The following MAP3K7CL variants were observed in gnomAD, a reference collection of about 807,000 sequenced individuals.
MAP3K7CL encodes MAP3K7 C-terminal-like protein.
A neutral mutation model predicts 18.6 loss-of-function variants in MAP3K7CL; 16 were observed. The observed-to-expected ratio is 0.86, with a 90% confidence interval of 0.58 to 1.31. MAP3K7CL has a LOEUF of 1.31. Among genes scored for constraint, MAP3K7CL ranks in the 50% most tolerant of loss-of-function variants. MAP3K7CL has a pLI of 0.00. For missense variants in MAP3K7CL, 163 were observed against 174.4 expected, an observed-to-expected ratio of 0.93 and a Z score of 0.37; for synonymous variants, 65 against 66.8, an observed-to-expected ratio of 0.97 and a Z score of 0.13.
chr21:29,113,208 C>G (rs1329339647), intron 4 of MAP3K7CL, among the ~76,000 whole-genome samples: 1 of 152,174 alleles, frequency 6.6e-6, no homozygotes, highest in African/African-American at 2.4e-5. Context: ...ACCATTTTCT[C>G]TCAAAATTCT....
Position 29,134,255 on chromosome 21 carries a change from C to T in MAP3K7CL, c.70+841C>T, listed in dbSNP as rs1002704812. ...ATGATTGGCCGAGCATGGTGGCTCA[C>T]GACTGTAATCCCAGTACTTTGGGAG... On this transcript the variant is annotated intron_variant, in intron 2 of 4. Coordinates refer to ENST00000399928, the MANE Select transcript of MAP3K7CL (RefSeq NM_001286620.2). 3.3e-5 allele frequency among the ~76,000 whole-genome samples: 5 copies of T among 152,176 alleles called. No individual in the cohort carries two copies. In the South Asian group the frequency reaches 1.0e-3, roughly 32 times the overall value.
At chr21:29,122,345 T>A (rs2086609089) in intron 4 of MAP3K7CL, 1 of 152,154 alleles carries the variant, frequency 6.6e-6, no homozygotes, top group African/African-American at 2.4e-5. Context: ...TACACTGCAG[T>A]TTTTTAGCTT....
At position 29,088,523 on chromosome 21, in the gene MAP3K7CL, A is replaced by G. The variant is rs16983706; in HGVS notation, c.57+2606A>G. Among the ~76,000 whole-genome samples, 1,123 of 152,308 alleles carry G rather than the reference A, an allele frequency of 7.4e-3. 41 individuals are homozygous for G. The highest frequency in any genetic ancestry group is 0.052 in the Admixed American group (793 of 15,304). On this transcript the variant is annotated intron_variant, in intron 1 of 6. Coordinates refer to the MAP3K7CL transcript ENST00000286791. ...CTGCAAAGTTTAATTTAACCACGCTAGTTTTGTTTAATAGGTTAAAAGGAA... is the reference window on the plus strand; with the variant it reads ...CTGCAAAGTTTAATTTAACCACGCTGGTTTTGTTTAATAGGTTAAAAGGAA...
intron 4 of MAP3K7CL, among the ~76,000 whole-genome samples, chr21:29,163,693 CTTTTTTTT>C (rs397866386): frequency 7.9e-6 from 1 of 126,004 alleles, no homozygotes; most frequent in Admixed American, 8.4e-5. Context: ...CCCTTTCTTC[CTTTTTTTT>C]TTTTTTTTTT....
rs182404754 is a variant in MAP3K7CL at position 29,109,175 on chromosome 21, G to C, written c.370+16594G>C. On this transcript the variant is annotated intron_variant, in intron 4 of 6. Transcript: ENST00000286791. ...TCCCTAACGCCCTTTCCACCAGTGCGGACTGCAGGTATGGACATAGGGAAG... is the reference window on the plus strand; with the variant it reads ...TCCCTAACGCCCTTTCCACCAGTGCCGACTGCAGGTATGGACATAGGGAAG... The C allele has an allele frequency of 9.8e-6, 15 of 1,535,214 alleles. No homozygotes were observed. The South Asian group carries it at 1.8e-4, about 18-fold the overall frequency.
chr21:29,100,910 C>T (rs2086217526), intron 4 of MAP3K7CL, among the ~76,000 whole-genome samples: 2 of 151,740 alleles, frequency 1.3e-5, no homozygotes, highest in South Asian at 2.1e-4. Context: ...GACAGGGTTT[C>T]ACCGGGTTAG....
chr21:29,086,025 C>A, intron 1 of MAP3K7CL: 2 of 1,232,616 alleles, frequency 1.6e-6, no homozygotes, highest in Non-Finnish European at 2.4e-6. Flanking sequence ...GAGAAATGGA[C>A]CTTGGAAGTC....
intron 4 of MAP3K7CL, among the ~76,000 whole-genome samples, chr21:29,101,141 C>G (rs935317486): frequency 2.2e-4 from 33 of 151,934 alleles, no homozygotes; most frequent in Non-Finnish European, 1.9e-4. Flanking sequence ...GGTCAGCAAT[C>G]TGGGTGTGGC....
intron 3 of MAP3K7CL, chr21:29,092,329 A>AG: frequency 2.5e-6 from 3 of 1,192,610 alleles, no homozygotes; most frequent in Non-Finnish European, 3.6e-6. Context: ...TCTAAAGAGG[A>AG]GGCAAGAGGT....
chr21:29,120,707 TTCTC>T (rs2086578632), intron 4 of MAP3K7CL, among the ~76,000 whole-genome samples: 2 of 151,654 alleles, frequency 1.3e-5, no homozygotes, highest in Admixed American at 1.3e-4. Flanking sequence ...TTTCTTTCCT[TTCTC>T]TCCTTCTCTC....
intron 4 of MAP3K7CL, among the ~76,000 whole-genome samples, chr21:29,123,717 G>T (rs778313871): frequency 3.2e-4 from 49 of 152,240 alleles, no homozygotes; most frequent in Non-Finnish European, 5.1e-4. Flanking sequence ...GCTGTCTGAT[G>T]ATGGGTAATG....
At chr21:29,086,853 C>T (rs1458505303) in intron 1 of MAP3K7CL, among the ~76,000 whole-genome samples, 2 of 152,170 alleles carry the variant, frequency 1.3e-5, no homozygotes, top group African/African-American at 2.4e-5. Flanking sequence ...ATTATGATGA[C>T]GTCCCCCTTT....
intron 4 of MAP3K7CL, among the ~76,000 whole-genome samples, chr21:29,161,311 CAAAAAAAACAA>C (rs1568969703): frequency 6.6e-6 from 1 of 151,358 alleles, no homozygotes; most frequent in East Asian, 1.9e-4. Flanking sequence ...GACTCTATCT[CAAAAAAAACAA>C]TTTTTTTTTT....
At chr21:29,150,746 C>A (rs1402041961) in intron 3 of MAP3K7CL, among the ~76,000 whole-genome samples, 1 of 146,652 alleles carries the variant, frequency 6.8e-6, no homozygotes, top group Non-Finnish European at 1.5e-5. Context: ...GCATGAAGAA[C>A]AATTCAGCTC....
At chr21:29,082,532 C>T (rs765878988), upstream of MAP3K7CL, among the ~76,000 whole-genome samples, 1 of 152,170 alleles carries the variant, frequency 6.6e-6, no homozygotes, top group Non-Finnish European at 1.5e-5. Context: ...CTGTGCATCA[C>T]ATGGTCTCAG....
chr21:29,108,158 G>C (rs992479158), intron 4 of MAP3K7CL, among the ~76,000 whole-genome samples: 1 of 152,136 alleles, frequency 6.6e-6, no homozygotes, highest in Non-Finnish European at 1.5e-5. Context: ...TGTATTTTGA[G>C]ACAGGGTCTT....
chr21:29,103,477 T>C (rs1049464567), intron 4 of MAP3K7CL, among the ~76,000 whole-genome samples: 4 of 152,030 alleles, frequency 2.6e-5, no homozygotes, highest in African/African-American at 9.7e-5. Flanking sequence ...ATGCCTGTAA[T>C]CCCAGCACTT....
chr21:29,120,610 G>A (rs1053589807), intron 4 of MAP3K7CL, among the ~76,000 whole-genome samples: 9 of 152,100 alleles, frequency 5.9e-5, no homozygotes, highest in African/African-American at 1.7e-4. Flanking sequence ...ATGGGATTTC[G>A]ACATATTCTA....
chr21:29,116,060 G>A (rs991725942), intron 4 of MAP3K7CL, among the ~76,000 whole-genome samples: 1 of 152,172 alleles, frequency 6.6e-6, no homozygotes, highest in Admixed American at 6.6e-5. Context: ...GGTTTCTTCC[G>A]TGAAGCTCTT....
Sources: allele counts gnomAD v4.1 joint callset (sites outside exome capture counted in the v4.1 genomes callset), GRCh38; gene constraint gnomAD v4.1.1; transcripts MANE v1.5; gene names NCBI Gene and HGNC (gene_info 2026-07-23, HGNC 2026-07-21).